PRKG1: variants seen among roughly 807,000 people sequenced by gnomAD.
PRKG1 encodes cGMP-dependent protein kinase 1.
A neutral mutation model predicts 88.1 loss-of-function variants in PRKG1; 35 were observed. The ratio of observed to expected loss-of-function variants is 0.40; its 90% CI spans 0.30 to 0.53. The LOEUF is 0.53. PRKG1 is among the 20% of genes least tolerant of loss of function. The pLI is 0.59. For missense variants in PRKG1, 540 were observed against 839.8 expected, an observed-to-expected ratio of 0.64 and a Z score of 4.41; for synonymous variants, 303 against 292.5, an observed-to-expected ratio of 1.04 and a Z score of -0.37.
chr10:52,264,917 A>G (rs1218238558), intron 10 of PRKG1, among the ~76,000 whole-genome samples: 1 of 152,128 alleles, frequency 6.6e-6, no homozygotes, highest in Non-Finnish European at 1.5e-5. Context: ...TCATACTTTC[A>G]GAGAGGACCA....
chr10:51,336,453 C>T (rs557868306), intron 2 of PRKG1, among the ~76,000 whole-genome samples: 1 of 152,246 alleles, frequency 6.6e-6, no homozygotes, highest in East Asian at 1.9e-4. Context: ...GAATGACTAG[C>T]TTGTAATAGG....
chr10:51,369,651 G>T (rs984438771), intron 2 of PRKG1, among the ~76,000 whole-genome samples: 2 of 152,062 alleles, frequency 1.3e-5, no homozygotes, highest in African/African-American at 4.8e-5. Context: ...TCTCTTGGTT[G>T]GCAGTCCAGT....
intron 2 of PRKG1, among the ~76,000 whole-genome samples, chr10:51,329,384 G>A (rs1417979978): frequency 6.6e-6 from 1 of 152,114 alleles, no homozygotes; most frequent in Non-Finnish European, 1.5e-5. Flanking sequence ...TAAATGTGGA[G>A]ATTTATTTCT....
chr10:51,757,431 A>G (rs867933351), intron 3 of PRKG1, among the ~76,000 whole-genome samples: 2 of 152,280 alleles, frequency 1.3e-5, no homozygotes, highest in Middle Eastern at 3.4e-3. Flanking sequence ...AAAAAGAAGT[A>G]AGAAATAATG....
chr10:51,304,125 A>G (rs1242644896), intron 2 of PRKG1, among the ~76,000 whole-genome samples: 1 of 152,052 alleles, frequency 6.6e-6, no homozygotes, highest in Non-Finnish European at 1.5e-5. Flanking sequence ...CGGACAAAAT[A>G]TTTTAAAACA....
At chr10:51,229,926 C>CAAAAAAA (rs35300789) in intron 2 of PRKG1, among the ~76,000 whole-genome samples, 19 of 33,142 alleles carry the variant, frequency 5.7e-4, no homozygotes, top group East Asian at 2.7e-3. Flanking sequence ...GAGGCGATCT[C>CAAAAAAA]AAAAAAAAAA....
At chr10:51,841,653 A>T (rs1449717089) in intron 4 of PRKG1, among the ~76,000 whole-genome samples, 1 of 20,462 alleles carries the variant, frequency 4.9e-5, no homozygotes, top group African/African-American at 3.5e-4. Flanking sequence ...TGAATTTGTT[A>T]AAAAAAAAAG....
chr10:51,494,057 A>G (rs1254438015), intron 3 of PRKG1, among the ~76,000 whole-genome samples: 1 of 152,046 alleles, frequency 6.6e-6, no homozygotes, highest in Non-Finnish European at 1.5e-5. Flanking sequence ...TTTTTAATTT[A>G]TTATTTGTTA....
chr10:51,679,007 A>G (rs1419211080), intron 3 of PRKG1, among the ~76,000 whole-genome samples: 1 of 152,206 alleles, frequency 6.6e-6, no homozygotes, highest in African/African-American at 2.4e-5. Flanking sequence ...ATAAATTTTA[A>G]TGAATATTTA....
rs891910852 is a variant in PRKG1 at position 51,473,062 on chromosome 10, C to T, written c.592+5226C>T. Reference sequence around the variant, plus strand: ...ATGAAGCAAACATAGTATATTTTGGCAGCATCTTGGGGAAGTTGTTACACT... The same window carrying T: ...ATGAAGCAAACATAGTATATTTTGGTAGCATCTTGGGGAAGTTGTTACACT... On this transcript the variant is annotated intron_variant, in intron 3 of 17. Transcript: ENST00000373980. Among the ~76,000 whole-genome samples the T allele has an allele frequency of 5.3e-5, 8 of 151,894 alleles. No individual in the cohort carries two copies. In the South Asian group the frequency reaches 8.3e-4, roughly 16 times the overall value.
intron 2 of PRKG1, among the ~76,000 whole-genome samples, chr10:51,159,349 T>C (rs9415743): frequency 0.067 from 10,251 of 152,206 alleles, 714 homozygotes; most frequent in African/African-American, 0.17. Context: ...TTTTATTCTT[T>C]ACAATCAGAT....
chr10:52,212,087 A>AC (rs1189771233), intron 9 of PRKG1, among the ~76,000 whole-genome samples: 2 of 152,112 alleles, frequency 1.3e-5, no homozygotes, highest in African/African-American at 4.8e-5. Context: ...CAAATCGGGC[A>AC]CCCCCCAGAA....
At chr10:51,976,304 G>T (rs1843831089) in intron 5 of PRKG1, among the ~76,000 whole-genome samples, 1 of 151,848 alleles carries the variant, frequency 6.6e-6, no homozygotes, top group Non-Finnish European at 1.5e-5. Context: ...CTTCTACATG[G>T]ATGTCCATTA....
intron 2 of PRKG1, among the ~76,000 whole-genome samples, chr10:51,359,842 T>C (rs898922374): frequency 2.6e-5 from 4 of 151,926 alleles, no homozygotes; most frequent in African/African-American, 4.8e-5. Context: ...AAATAATTTA[T>C]AGAACTAGTT....
At chr10:51,585,869 C>T (rs1838158887) in intron 3 of PRKG1, among the ~76,000 whole-genome samples, 1 of 152,080 alleles carries the variant, frequency 6.6e-6, no homozygotes, top group Admixed American at 6.6e-5. Context: ...AACACAAGAA[C>T]AGGAAACCAA....
intron 3 of PRKG1, among the ~76,000 whole-genome samples, chr10:51,587,110 C>G (rs761058607): frequency 6.6e-6 from 1 of 152,044 alleles, no homozygotes; most frequent in African/African-American, 2.4e-5. Context: ...CATATTCAGA[C>G]GGGCCTCATT....
intron 3 of PRKG1, among the ~76,000 whole-genome samples, chr10:51,506,959 T>C (rs950075415): frequency 1.3e-5 from 2 of 152,152 alleles, no homozygotes; most frequent in East Asian, 3.8e-4. Flanking sequence ...CACCATGGAA[T>C]ACTATGCAGC....
intron 2 of PRKG1, among the ~76,000 whole-genome samples, chr10:51,252,295 A>AT (rs1257729512): frequency 6.6e-6 from 1 of 151,788 alleles, no homozygotes; most frequent in Non-Finnish European, 1.5e-5. Context: ...AATTTCATTG[A>AT]TTTTTTAAAT....
At chr10:52,032,845 C>T (rs1419290719) in intron 5 of PRKG1, among the ~76,000 whole-genome samples, 2 of 152,116 alleles carry the variant, frequency 1.3e-5, no homozygotes, top group African/African-American at 2.4e-5. Context: ...AACAGCCTTT[C>T]TGCGTGTTTA....
Sources: gnomAD v4.1 joint callset for allele counts (sites outside exome capture counted in the v4.1 genomes callset) on GRCh38, gnomAD v4.1.1 for gene constraint, MANE v1.5 for transcripts, NCBI Gene and HGNC (gene_info 2026-07-23, HGNC 2026-07-21) for gene names.